TRMT9B: variants seen among roughly 807,000 people sequenced by gnomAD.
The protein encoded by TRMT9B is probable tRNA methyltransferase 9B.
In TRMT9B, 16 loss-of-function variants were observed where a neutral mutation model predicts 11.5. The observed-to-expected ratio is 1.39, with a 90% CI of 0.94 to 2.11. TRMT9B has a LOEUF of 2.11. Among genes scored for constraint, TRMT9B ranks in the 30% most tolerant of loss-of-function variants. The probability of loss-of-function intolerance (pLI) is 0.00; values close to 1 mark genes in which losing one functional copy is unlikely to be tolerated. For synonymous variants in TRMT9B, 274 were observed against 192.4 expected, an observed-to-expected ratio of 1.42 and a Z score of -3.51; for missense variants, 941 against 553.8, an observed-to-expected ratio of 1.70 and a Z score of -7.02.
chr8:13,014,456 C>T (rs1289620062), intron 4 of TRMT9B, among the ~76,000 whole-genome samples: 1 of 152,116 alleles, frequency 6.6e-6, no homozygotes, highest in East Asian at 1.9e-4. Context: ...TGAAATGCGG[C>T]AGGAGACTGG....
chr8:13,000,320 T>C (rs1205236387), intron 2 of TRMT9B, among the ~76,000 whole-genome samples: 2 of 152,202 alleles, frequency 1.3e-5, no homozygotes, highest in East Asian at 1.9e-4. Context: ...ATTTGTGACT[T>C]CTCAGTAGAA....
chr8:12,990,582 C>G (rs1346771830), intron 1 of TRMT9B, among the ~76,000 whole-genome samples: 1 of 152,154 alleles, frequency 6.6e-6, no homozygotes, highest in Non-Finnish European at 1.5e-5. Context: ...TTCCCAGGAA[C>G]AAGATGAAAT....
At chr8:13,019,527 C>T (rs1056277215) in intron 4 of TRMT9B, among the ~76,000 whole-genome samples, 1 of 152,188 alleles carries the variant, frequency 6.6e-6, no homozygotes, top group Non-Finnish European at 1.5e-5. Flanking sequence ...CTCCTGGCCT[C>T]AAGAGTTCCG....
intron 3 of TRMT9B, among the ~76,000 whole-genome samples, chr8:13,008,608 G>C (rs1249563363): frequency 6.6e-6 from 1 of 152,098 alleles, no homozygotes. Flanking sequence ...AGATAACTTT[G>C]ACCCTATAAA....
At chr8:13,017,491 G>C (rs575421725) in intron 4 of TRMT9B, among the ~76,000 whole-genome samples, 38 of 152,006 alleles carry the variant, frequency 2.5e-4, no homozygotes, top group Non-Finnish European at 5.0e-4. Context: ...TCCAGACATT[G>C]ATATTTCGGA....
chr8:12,967,194 C>G (rs1331322273), intron 1 of TRMT9B, among the ~76,000 whole-genome samples: 1 of 152,130 alleles, frequency 6.6e-6, no homozygotes, highest in African/African-American at 2.4e-5. Context: ...AAATGATCAT[C>G]CAAAGATATG....
At chr8:13,006,069 C>A in intron 2 of TRMT9B, 133 bp from the exon 3 acceptor site, 1 of 779,904 alleles carries the variant, frequency 1.3e-6, no homozygotes, top group Non-Finnish European at 2.0e-6. Flanking sequence ...TTCTTTGCAG[C>A]TTATAAGAAA....
rs143946141 is a variant in TRMT9B at position 13,028,415 on chromosome 8, G to A, written c.*6371G>A. On this transcript the variant is annotated 3_prime_UTR_variant, in exon 5 of 5. Coordinates refer to ENST00000524591, the MANE Select transcript of TRMT9B (RefSeq NM_020844.3). The stretch of plus-strand genomic sequence containing the variant: ...ATACATTTTCTCCACATGGAATATT[G>A]ATTTTTCTATGAATATTACCTCCAC... The A allele has an allele frequency of 1.9e-4, 32 of 167,014 alleles. 1 individual carries two copies. The highest frequency in any genetic ancestry group is 7.5e-4 in the African/African-American group (31 of 41,510). 10.3% of individuals were successfully genotyped at this position (167,014 alleles called of 1,614,324 possible). A position where few individuals can be genotyped will look rare whatever the true frequency, so the allele number is the denominator to read the frequency against.
intron 2 of TRMT9B, among the ~76,000 whole-genome samples, chr8:13,001,921 CT>C (rs1346583713): frequency 2.6e-5 from 4 of 152,108 alleles, no homozygotes; most frequent in African/African-American, 9.7e-5. Flanking sequence ...TGTTTTAGTA[CT>C]AGTCTTATTA....
intron 2 of TRMT9B, among the ~76,000 whole-genome samples, chr8:13,002,784 T>A (rs1263787048): frequency 6.6e-6 from 1 of 152,094 alleles, no homozygotes; most frequent in East Asian, 1.9e-4. Flanking sequence ...TCTCAAAGTC[T>A]CTCTCCATAC....
At chr8:12,949,668 G>A (rs763779590) in intron 1 of TRMT9B, among the ~76,000 whole-genome samples, 16 of 152,140 alleles carry the variant, frequency 1.1e-4, no homozygotes, top group Admixed American at 5.2e-4. Flanking sequence ...GCTTCAAGCC[G>A]TCAGTGAACT....
chr8:12,975,799 T>C (rs1210170339), intron 1 of TRMT9B, among the ~76,000 whole-genome samples: 5 of 152,100 alleles, frequency 3.3e-5, no homozygotes, highest in Non-Finnish European at 7.4e-5. Flanking sequence ...TTTGGGGGCA[T>C]TCATTCCTTC....
chr8:13,008,873 T>C (rs983755807), intron 3 of TRMT9B, among the ~76,000 whole-genome samples: 18 of 152,064 alleles, frequency 1.2e-4, no homozygotes, highest in Admixed American at 3.9e-4. Context: ...GGACTACAGT[T>C]GCCCGCCACC....
At chr8:13,014,640 G>A (rs1292233025) in intron 4 of TRMT9B, among the ~76,000 whole-genome samples, 1 of 152,134 alleles carries the variant, frequency 6.6e-6, no homozygotes, top group Non-Finnish European at 1.5e-5. Context: ...TGGTCTCAGA[G>A]GCCACAAACA....
At chr8:12,980,767 A>T (rs1269222592) in intron 1 of TRMT9B, among the ~76,000 whole-genome samples, 20 of 152,138 alleles carry the variant, frequency 1.3e-4, no homozygotes, top group Non-Finnish European at 1.9e-4. Flanking sequence ...GGTGTAGAGG[A>T]GAAAGGAAAT....
intron 2 of TRMT9B, among the ~76,000 whole-genome samples, chr8:12,996,290 C>T (rs1204832816): frequency 1.3e-5 from 2 of 152,172 alleles, no homozygotes; most frequent in African/African-American, 4.8e-5. Flanking sequence ...GAATTTCCTT[C>T]CTCTCATCAT....
At chr8:12,987,280 T>C (rs1338419495) in intron 1 of TRMT9B, among the ~76,000 whole-genome samples, 1 of 152,228 alleles carries the variant, frequency 6.6e-6, no homozygotes, top group East Asian at 1.9e-4. Context: ...AGAGTCAATG[T>C]GTTAAATGCT....
rs190444579 is a variant in TRMT9B at position 12,975,300 on chromosome 8, G to A, written c.-199-15534G>A. Among the ~76,000 whole-genome samples, 36 of 152,158 alleles carry A rather than the reference G, an allele frequency of 2.4e-4. No individual in the cohort carries two copies. In the East Asian group the frequency reaches 6.6e-3, roughly 28 times the overall value. ...ATCAAAATGGTCCACTCCCCTGAAC[G>A]ATATACTTGATATAGATAACAAATA... On this transcript the variant is annotated intron_variant, in intron 1 of 4. Coordinates refer to ENST00000524591, the MANE Select transcript of TRMT9B (RefSeq NM_020844.3).
At chr8:12,971,416 A>G (rs76447436) in intron 1 of TRMT9B, among the ~76,000 whole-genome samples, 2,197 of 152,302 alleles carry the variant, frequency 0.014, 55 homozygotes, top group African/African-American at 0.049. Flanking sequence ...TTTCATAATA[A>G]TGAAATCCTC....
Sources: allele counts gnomAD v4.1 joint callset (sites outside exome capture counted in the v4.1 genomes callset), GRCh38; gene constraint gnomAD v4.1.1; transcripts MANE v1.5; gene names NCBI Gene and HGNC (gene_info 2026-07-23, HGNC 2026-07-21).